The following CEP112 variants were observed in gnomAD, a reference collection of about 807,000 sequenced individuals.
CEP112 encodes centrosomal protein 112.
In CEP112, 127 loss-of-function variants were observed where a neutral mutation model predicts 153.0. The observed-to-expected ratio is 0.83, with a 90% CI of 0.72 to 0.96. CEP112 has a LOEUF of 0.96. Ranked by LOEUF, CEP112 falls within the 40% of genes least tolerant of loss-of-function variation. CEP112 has a pLI of 0.00. For synonymous variants in CEP112, 358 were observed against 374.4 expected, an observed-to-expected ratio of 0.96 and a Z score of 0.51; for missense variants, 1,089 against 1,101.2, an observed-to-expected ratio of 0.99 and a Z score of 0.16.
chr17:65,747,605 A>T (rs1023786613), intron 22 of CEP112, among the ~76,000 whole-genome samples: 1 of 152,220 alleles, frequency 6.6e-6, no homozygotes, highest in Non-Finnish European at 1.5e-5. Context: ...ACTAAACTCC[A>T]GCACTCACCA....
chr17:65,810,828 T>C (rs1167414808), intron 21 of CEP112, among the ~76,000 whole-genome samples: 1 of 152,136 alleles, frequency 6.6e-6, no homozygotes, highest in African/African-American at 2.4e-5. Flanking sequence ...GTGAAGACCT[T>C]AGACAGAGGT....
intron 20 of CEP112, among the ~76,000 whole-genome samples, chr17:65,877,003 C>A (rs1164316117): frequency 6.6e-6 from 1 of 152,070 alleles, no homozygotes; most frequent in Non-Finnish European, 1.5e-5. Context: ...CTCAGGCCAG[C>A]CTTAAACTTC....
intron 18 of CEP112, among the ~76,000 whole-genome samples, chr17:65,951,423 G>C (rs927846390): frequency 1.3e-5 from 2 of 152,004 alleles, no homozygotes; most frequent in African/African-American, 2.4e-5. Context: ...TTTCAATTCA[G>C]ATTTTCTATT....
chr17:65,700,993 T>C (rs1005711374), intron 23 of CEP112, among the ~76,000 whole-genome samples: 15 of 152,158 alleles, frequency 9.9e-5, no homozygotes, highest in African/African-American at 3.4e-4. Context: ...AGAAATGCTT[T>C]AGAAACTCTA....
chr17:66,129,600 A>T (rs1206050409), intron 6 of CEP112, 146 bp downstream of exon 6: 1 of 481,860 alleles, frequency 2.1e-6, no homozygotes, highest in Non-Finnish European at 3.7e-6. Flanking sequence ...TTTATTTCCT[A>T]TACTTAAGCC....
At chr17:66,181,277 C>T (rs1051842545) in intron 2 of CEP112, among the ~76,000 whole-genome samples, 10 of 152,154 alleles carry the variant, frequency 6.6e-5, no homozygotes, top group African/African-American at 2.2e-4. Flanking sequence ...TAAAAGAATG[C>T]CATAGATGTA....
At chr17:65,869,363 T>C (rs1327082559) in intron 20 of CEP112, among the ~76,000 whole-genome samples, 1 of 152,192 alleles carries the variant, frequency 6.6e-6, no homozygotes, top group Non-Finnish European at 1.5e-5. Context: ...ATGAAATCAT[T>C]AGCCCATCTT....
chr17:65,776,968 G>A (rs1405644472), intron 21 of CEP112, among the ~76,000 whole-genome samples: 1 of 152,116 alleles, frequency 6.6e-6, no homozygotes, highest in African/African-American at 2.4e-5. Context: ...GAATATGCTA[G>A]TTGTTTCCAT....
At position 65,824,075 on chromosome 17, in the gene CEP112, G is replaced by C. The variant is rs187389720; in HGVS notation, c.2394+27729C>G. On this transcript the variant is annotated intron_variant, in intron 21 of 26. Transcript: ENST00000535342. ...AATTTAAAAATATACTTAACATAAA[G>C]CTCAACAATCTCATTTCTTTCTATT... is the stretch of plus-strand genomic sequence containing the variant. Among the ~76,000 whole-genome samples, 386 of 152,216 alleles carry C rather than the reference G, an allele frequency of 2.5e-3. 1 individual carries two copies. Among genetic ancestry groups the C allele is most frequent in the African/African-American group, 8.8e-3 (365 of 41,526 alleles).
At chr17:65,826,511 C>T in intron 21 of CEP112, 1 of 1,400,240 alleles carries the variant, frequency 7.1e-7, no homozygotes. Context: ...ATCACAACCA[C>T]ACTGCCTGGC....
chr17:65,749,935 T>C (rs1044023195), intron 22 of CEP112, among the ~76,000 whole-genome samples: 1 of 152,190 alleles, frequency 6.6e-6, no homozygotes, highest in Admixed American at 6.5e-5. Context: ...ATGGCTTAAC[T>C]TACCTACCTG....
chr17:66,068,711 T>C (rs1166025384), intron 9 of CEP112, among the ~76,000 whole-genome samples: 1 of 152,204 alleles, frequency 6.6e-6, no homozygotes, highest in Non-Finnish European at 1.5e-5. Context: ...AATTTTATTA[T>C]TAAATATGTT....
rs199636922 is a variant in CEP112 at position 65,969,082 on chromosome 17, A to ATTT, written c.1737-7487_1737-7485dup. 5.4e-3 allele frequency among the ~76,000 whole-genome samples: 760 copies of ATTT among 141,378 alleles called. 11 individuals carry two copies. The highest frequency in any genetic ancestry group is 8.6e-3 in the South Asian group (39 of 4,556). 92.7% of individuals were successfully genotyped at this position (141,378 alleles called of 152,430 possible). A position where few individuals can be genotyped will look rare whatever the true frequency, so the allele number is the denominator to read the frequency against. Reference sequence around the variant, plus strand: ...GTTTTTTGTTTTTTTGTGTGTGTGGATTTTTTTTTTTTTTTTTGAGACAAT... The same window carrying ATTT: ...GTTTTTTGTTTTTTTGTGTGTGTGGATTTTTTTTTTTTTTTTTTTTGAGACAAT... On this transcript the variant is annotated intron_variant, in intron 17 of 26. Coordinates refer to ENST00000535342, the MANE Select transcript of CEP112 (RefSeq NM_001199165.4).
chr17:66,129,641 A>G, intron 6 of CEP112, 105 bp downstream of exon 6: 1 of 773,270 alleles, frequency 1.3e-6, no homozygotes, highest in East Asian at 2.7e-5. Context: ...ACATATGTCT[A>G]ACATCCAACG....
intron 23 of CEP112, among the ~76,000 whole-genome samples, chr17:65,716,932 A>C (rs2049559834): frequency 6.6e-6 from 1 of 152,170 alleles, no homozygotes; most frequent in Non-Finnish European, 1.5e-5. Flanking sequence ...TGCTTTCCTG[A>C]CTACAGGTCT....
chr17:66,186,045 TC>T (rs1206565149), intron 1 of CEP112, among the ~76,000 whole-genome samples: 1 of 151,566 alleles, frequency 6.6e-6, no homozygotes, highest in Non-Finnish European at 1.5e-5. Flanking sequence ...TCTCTCTCTC[TC>T]CCCACCCGCT....
intron 24 of CEP112, among the ~76,000 whole-genome samples, chr17:65,647,125 GA>G (rs1567805096): frequency 6.7e-6 from 1 of 148,340 alleles, no homozygotes; most frequent in South Asian, 2.1e-4. Context: ...AATGACAAAA[GA>G]AAAGGAAATA....
At chr17:65,916,617 G>A (rs1329624024) in intron 19 of CEP112, among the ~76,000 whole-genome samples, 1 of 151,386 alleles carries the variant, frequency 6.6e-6, no homozygotes, top group African/African-American at 2.4e-5. Flanking sequence ...TGCTATCAAA[G>A]CTCACTGTAA....
intron 21 of CEP112, among the ~76,000 whole-genome samples, chr17:65,849,253 A>T (rs982672725): frequency 2.6e-5 from 4 of 152,118 alleles, no homozygotes; most frequent in African/African-American, 9.7e-5. Flanking sequence ...TATGTTACTT[A>T]TGTCTCATTC....
Sources: allele counts gnomAD v4.1 joint callset (sites outside exome capture counted in the v4.1 genomes callset), GRCh38; gene constraint gnomAD v4.1.1; transcripts MANE v1.5; gene names NCBI Gene and HGNC (gene_info 2026-07-23, HGNC 2026-07-21).